Variants in BACH2 observed in about 807,000 individuals in gnomAD.
BACH2 encodes the protein transcription regulator protein BACH2.
A neutral mutation model predicts 61.8 loss-of-function variants in BACH2; 5 were observed. That is an observed-to-expected ratio of 0.08 (90% CI 0.04 to 0.17). The LOEUF (loss-of-function observed/expected upper bound fraction) is 0.17. Ranked by LOEUF, BACH2 falls within the 10% of genes least tolerant of loss-of-function variation. The pLI, the probability that BACH2 is intolerant of heterozygous loss-of-function variation, is 1.00. For synonymous variants in BACH2, 446 were observed against 440.1 expected (o/e 1.01, Z -0.17); for missense variants, 824 against 1,091.1 (o/e 0.76, Z 3.45).
At chr6:90,003,805 T>G (rs746189698) in intron 6 of BACH2, among the ~76,000 whole-genome samples, 1 of 152,192 alleles carries the variant, frequency 6.6e-6, no homozygotes, top group African/African-American at 2.4e-5. Flanking sequence ...GAGTTTTGTT[T>G]AGGTGAATGG....
intron 1 of BACH2, among the ~76,000 whole-genome samples, chr6:90,293,140 AG>A (rs1470648325): frequency 6.6e-6 from 1 of 152,230 alleles, no homozygotes; most frequent in Non-Finnish European, 1.5e-5. Context: ...GGGAAGAGGA[AG>A]GGGGCCTATG....
intron 5 of BACH2, among the ~76,000 whole-genome samples, chr6:90,036,738 T>C (rs1779281345): frequency 6.6e-6 from 1 of 152,176 alleles, no homozygotes; most frequent in Admixed American, 6.5e-5. Flanking sequence ...AAAATTTACA[T>C]ACAATGAAAT....
At chr6:90,149,143 G>A (rs1784723815) in intron 4 of BACH2, among the ~76,000 whole-genome samples, 1 of 152,146 alleles carries the variant, frequency 6.6e-6, no homozygotes, top group Admixed American at 6.5e-5. Context: ...GTTCAACAGA[G>A]GTGTGAGTCC....
At chr6:90,178,820 A>G (rs1768061145) in intron 4 of BACH2, among the ~76,000 whole-genome samples, 1 of 152,224 alleles carries the variant, frequency 6.6e-6, no homozygotes, top group Non-Finnish European at 1.5e-5. Flanking sequence ...ACAGATGCAA[A>G]GTATTTAAAA....
intron 5 of BACH2, among the ~76,000 whole-genome samples, chr6:90,075,723 G>A (rs1321409483): frequency 6.6e-6 from 1 of 152,124 alleles, no homozygotes; most frequent in African/African-American, 2.4e-5. Context: ...TATTCTCTCT[G>A]TTAACTGATC....
At chr6:90,243,078 G>A (rs1770510491) in intron 3 of BACH2, among the ~76,000 whole-genome samples, 1 of 113,326 alleles carries the variant, frequency 8.8e-6, no homozygotes, top group Non-Finnish European at 1.8e-5. Context: ...TTTTTTAGTA[G>A]AGACAAGGTT....
At chr6:89,966,440 C>T (rs1775051336) in intron 6 of BACH2, among the ~76,000 whole-genome samples, 1 of 152,212 alleles carries the variant, frequency 6.6e-6, no homozygotes, top group Admixed American at 6.5e-5. Flanking sequence ...CACAAAACCC[C>T]ATATGTGAAT....
Position 90,100,953 on chromosome 6 carries a change from A to C in BACH2, c.-161-11844T>G, listed in dbSNP as rs1009163584. On this transcript the variant is annotated intron_variant, in intron 4 of 8. Transcript: ENST00000257749. ...AGACTTTAACCATCCTAGTGGGGGT[A>C]AAGTGGTAACTCACTATAATTTTGA... 4.6e-5 allele frequency among the ~76,000 whole-genome samples: 7 copies of C among 152,334 alleles called. No individual in the cohort carries two copies. In the East Asian group the frequency reaches 1.4e-3, roughly 29 times the overall value.
chr6:90,155,320 C>T (rs1784960105), intron 4 of BACH2, among the ~76,000 whole-genome samples: 1 of 152,154 alleles, frequency 6.6e-6, no homozygotes, highest in Non-Finnish European at 1.5e-5. Flanking sequence ...AGAAGGGAGG[C>T]TAGTTATGTT....
chr6:90,132,144 T>C (rs1784100421), intron 4 of BACH2, among the ~76,000 whole-genome samples: 1 of 152,198 alleles, frequency 6.6e-6, no homozygotes. Flanking sequence ...GAGAGGAAGC[T>C]ATCTAAGTCC....
intron 5 of BACH2, among the ~76,000 whole-genome samples, chr6:90,028,824 A>G (rs923913829): frequency 2.6e-5 from 4 of 152,190 alleles, no homozygotes; most frequent in African/African-American, 9.7e-5. Context: ...CTAGCTGCAA[A>G]ACCTTGCACA....
rs749432892 is a variant in BACH2, at chr6:90,077,191, G to A, written c.-13+11770C>T. Among the ~76,000 whole-genome samples the A allele has an allele frequency of 1.4e-4, 21 of 152,258 alleles. 1 individual carries two copies. In the East Asian group the frequency reaches 1.7e-3, roughly 13 times the overall value. Reference sequence around the variant, plus strand: ...AGAATCTGTCATTCCTTATGAAAGCGTGGGAGGGAATCACAGCCAGAGTCT... The same window carrying A: ...AGAATCTGTCATTCCTTATGAAAGCATGGGAGGGAATCACAGCCAGAGTCT... On this transcript the variant is annotated intron_variant, in intron 5 of 8. Transcript: ENST00000257749.
At chr6:90,044,092 G>A (rs897954219) in intron 5 of BACH2, among the ~76,000 whole-genome samples, 4 of 152,180 alleles carry the variant, frequency 2.6e-5, no homozygotes, top group Non-Finnish European at 5.9e-5. Context: ...AAGCAAAGTT[G>A]TGCTTGTCAT....
At chr6:90,087,729 T>G (rs191362651) in intron 5 of BACH2, among the ~76,000 whole-genome samples, 3,508 of 150,968 alleles carry the variant, frequency 0.023, 144 homozygotes, top group African/African-American at 0.08. Context: ...ATGTGTGTGT[T>G]TTTTTTTTAT....
intron 7 of BACH2, among the ~76,000 whole-genome samples, chr6:89,942,318 C>T (rs186164779): frequency 2.6e-5 from 4 of 152,280 alleles, no homozygotes; most frequent in Admixed American, 2.0e-4. Context: ...GAGGACATGC[C>T]TCTCCCAGGC....
At chr6:90,055,344 G>A (rs539210114) in intron 5 of BACH2, among the ~76,000 whole-genome samples, 67 of 152,294 alleles carry the variant, frequency 4.4e-4, no homozygotes, top group Middle Eastern at 3.4e-3. Context: ...CTCAGTAGCC[G>A]ATTCGATCAA....
intron 2 of BACH2, among the ~76,000 whole-genome samples, chr6:90,256,838 G>C (rs1402024355): frequency 6.6e-6 from 1 of 151,994 alleles, no homozygotes; most frequent in Non-Finnish European, 1.5e-5. Flanking sequence ...CTCTATACTT[G>C]TTCATACTAC....
intron 1 of BACH2, among the ~76,000 whole-genome samples, chr6:90,289,388 AT>A (rs1293137804): frequency 2.0e-5 from 3 of 152,242 alleles, no homozygotes; most frequent in Non-Finnish European, 4.4e-5. Context: ...GTGAGTTAAT[AT>A]GAGCAGCACA....
chr6:90,076,643 T>A (rs1422286284), intron 5 of BACH2, among the ~76,000 whole-genome samples: 1 of 152,144 alleles, frequency 6.6e-6, no homozygotes, highest in African/African-American at 2.4e-5. Context: ...TCTGTCTAAG[T>A]AATGTAATTT....
Sources: allele counts gnomAD v4.1 joint callset (sites outside exome capture counted in the v4.1 genomes callset), GRCh38; gene constraint gnomAD v4.1.1; transcripts MANE v1.5; gene names NCBI Gene and HGNC (gene_info 2026-07-23, HGNC 2026-07-21).